Variants in HS6ST3 observed in about 807,000 individuals in gnomAD.
HS6ST3 encodes heparan sulfate 6-O-sulfotransferase 3, also known as heparan-sulfate 6-O-sulfotransferase 3.
Under a neutral mutation model 36.7 loss-of-function variants are expected in HS6ST3, and 12 were observed. That is an observed-to-expected ratio of 0.33 (90% CI 0.21 to 0.53). HS6ST3 has a LOEUF of 0.53. Among genes scored for constraint, HS6ST3 ranks in the 20% least tolerant of loss-of-function variants. HS6ST3 has a pLI of 0.95. For synonymous variants in HS6ST3, 240 were observed against 257.5 expected (o/e 0.93, Z 0.65); for missense variants, 584 against 640.9 (o/e 0.91, Z 0.96).
intron 1 of HS6ST3, among the ~76,000 whole-genome samples, chr13:96,257,218 C>T (rs544361512): frequency 6.6e-6 from 1 of 152,256 alleles, no homozygotes; most frequent in East Asian, 1.9e-4. Context: ...GAGGATTTTC[C>T]TTCCTAATCC....
chr13:96,781,553 T>C (rs1877528189), intron 1 of HS6ST3, among the ~76,000 whole-genome samples: 1 of 152,124 alleles, frequency 6.6e-6, no homozygotes, highest in African/African-American at 2.4e-5. Flanking sequence ...CTTAAACAAA[T>C]TGCTCTGGAA....
intron 1 of HS6ST3, among the ~76,000 whole-genome samples, chr13:96,128,167 C>T (rs2139309996): frequency 6.6e-6 from 1 of 152,320 alleles, no homozygotes; most frequent in Admixed American, 6.5e-5. Context: ...TATCTGTTTT[C>T]TCCAGTTATT....
At chr13:96,237,251 T>C (rs921614480) in intron 1 of HS6ST3, among the ~76,000 whole-genome samples, 5 of 152,214 alleles carry the variant, frequency 3.3e-5, no homozygotes, top group Non-Finnish European at 7.3e-5. Flanking sequence ...ATTGAGAAGA[T>C]AGAAGCCAAC....
At chr13:96,730,992 G>A (rs552027351) in intron 1 of HS6ST3, among the ~76,000 whole-genome samples, 23 of 152,170 alleles carry the variant, frequency 1.5e-4, no homozygotes, top group East Asian at 5.8e-4. Flanking sequence ...TCAGCCTCCC[G>A]AAGTGCAACA....
At chr13:96,208,562 TTTTC>T (rs1416492023) in intron 1 of HS6ST3, among the ~76,000 whole-genome samples, 1 of 152,208 alleles carries the variant, frequency 6.6e-6, no homozygotes, top group East Asian at 1.9e-4. Context: ...GAAAAAAATA[TTTTC>T]TTTCTTTCTC....
At chr13:96,640,078 T>C (rs767031241) in intron 1 of HS6ST3, among the ~76,000 whole-genome samples, 1 of 152,092 alleles carries the variant, frequency 6.6e-6, no homozygotes, top group Non-Finnish European at 1.5e-5. Context: ...TGGGGGGGTA[T>C]ATACTCAGTA....
chr13:96,220,953 C>A (rs752528566), intron 1 of HS6ST3, among the ~76,000 whole-genome samples: 8 of 152,190 alleles, frequency 5.3e-5, no homozygotes, highest in Admixed American at 1.3e-4. Context: ...TGCTGCAATA[C>A]TGACTCATAA....
At chr13:96,436,540 T>C (rs539798368) in intron 1 of HS6ST3, among the ~76,000 whole-genome samples, 68 of 152,200 alleles carry the variant, frequency 4.5e-4, no homozygotes, top group Non-Finnish European at 7.5e-4. Flanking sequence ...CCTCAAAATA[T>C]GACTGTATTT....
intron 1 of HS6ST3, among the ~76,000 whole-genome samples, chr13:96,408,379 C>T (rs900496330): frequency 8.5e-5 from 13 of 152,174 alleles, no homozygotes; most frequent in African/African-American, 3.1e-4. Flanking sequence ...GAAAAATATT[C>T]TCCAAACTGG....
intron 1 of HS6ST3, among the ~76,000 whole-genome samples, chr13:96,339,495 C>T (rs1248106725): frequency 6.6e-6 from 1 of 152,112 alleles, no homozygotes; most frequent in Admixed American, 6.6e-5. Context: ...GCTTCCTTGC[C>T]CAAGGCTATA....
rs1020379816 is a variant in HS6ST3, at chr13:96,591,301, C to T, written c.708-241189C>T. On this transcript the variant is annotated intron_variant, in intron 1 of 1. Coordinates refer to ENST00000376705, the MANE Select transcript of HS6ST3 (RefSeq NM_153456.4). ...GATTTGGGTAGCATGGATATTTTAA[C>T]AATATTTAGTGTTCTTCCAATCTAT... Among the ~76,000 whole-genome samples the T allele has an allele frequency of 3.3e-5, 5 of 151,888 alleles. No homozygotes were observed. In the East Asian group the frequency reaches 7.7e-4, roughly 23 times the overall value.
At chr13:96,424,608 C>A (rs377176391) in intron 1 of HS6ST3, among the ~76,000 whole-genome samples, 1 of 152,118 alleles carries the variant, frequency 6.6e-6, no homozygotes, top group Non-Finnish European at 1.5e-5. Flanking sequence ...CTGCTAACAG[C>A]CCACTTCCTG....
intron 1 of HS6ST3, among the ~76,000 whole-genome samples, chr13:96,812,377 AGT>A (rs1878333927): frequency 6.6e-6 from 1 of 152,082 alleles, no homozygotes; most frequent in Non-Finnish European, 1.5e-5. Flanking sequence ...TCCAAATTCA[AGT>A]TAGCTTCTTC....
At chr13:96,518,173 T>C (rs530439807) in intron 1 of HS6ST3, among the ~76,000 whole-genome samples, 5 of 152,322 alleles carry the variant, frequency 3.3e-5, no homozygotes, top group African/African-American at 1.2e-4. Context: ...TTGAAATGCT[T>C]CCTTTCCCTT....
intron 1 of HS6ST3, among the ~76,000 whole-genome samples, chr13:96,348,101 A>G (rs16953121): frequency 0.025 from 3,867 of 152,338 alleles, 169 homozygotes; most frequent in African/African-American, 0.087. Flanking sequence ...CAATGGAATC[A>G]GAAAAAATAT....
intron 1 of HS6ST3, among the ~76,000 whole-genome samples, chr13:96,368,151 C>G (rs2055272352): frequency 6.6e-6 from 1 of 152,108 alleles, no homozygotes; most frequent in Admixed American, 6.6e-5. Context: ...GAGTTTCCCT[C>G]TCTCATTGTG....
chr13:96,310,663 C>T (rs1365878914), intron 1 of HS6ST3, among the ~76,000 whole-genome samples: 2 of 145,448 alleles, frequency 1.4e-5, no homozygotes, highest in Non-Finnish European at 3.0e-5. Flanking sequence ...CTCCCTCCCT[C>T]CCTGCCTATC....
intron 1 of HS6ST3, among the ~76,000 whole-genome samples, chr13:96,333,127 G>A (rs763578550): frequency 3.9e-5 from 6 of 152,176 alleles, no homozygotes; most frequent in Non-Finnish European, 8.8e-5. Flanking sequence ...AGTGCGAATG[G>A]ACCAAGACAC....
chr13:96,219,565 C>T (rs539356856), intron 1 of HS6ST3, among the ~76,000 whole-genome samples: 52 of 152,290 alleles, frequency 3.4e-4, no homozygotes, highest in Non-Finnish European at 7.1e-4. Context: ...AATAATATTT[C>T]GTGGTGATGA....
Sources: gnomAD v4.1 joint callset for allele counts (sites outside exome capture counted in the v4.1 genomes callset) on GRCh38, gnomAD v4.1.1 for gene constraint, MANE v1.5 for transcripts, NCBI Gene and HGNC (gene_info 2026-07-23, HGNC 2026-07-21) for gene names.